The following USP49 variants were observed in gnomAD, a reference collection of about 807,000 sequenced individuals.
USP49 encodes ubiquitin specific peptidase 49.
USP49 carries 24 observed loss-of-function variants against 58.6 expected under a neutral mutation model. The observed-to-expected ratio is 0.41, with a 90% CI of 0.30 to 0.58. The LOEUF (loss-of-function observed/expected upper bound fraction) is 0.58, where lower values mean the gene tolerates loss of function less well. Among genes scored for constraint, USP49 ranks in the 20% least tolerant of loss-of-function variants. The pLI, the probability that USP49 is intolerant of heterozygous loss-of-function variation, is 0.30. For missense variants in USP49, 703 were observed against 866.1 expected (o/e 0.81, Z 2.36); for synonymous variants, 408 against 365.1 (o/e 1.12, Z -1.34).
chr6:41,857,039 A>G lies in USP49; in HGVS notation c.-29+14525T>C, dbSNP rs1011885150. On this transcript the variant is annotated intron_variant, in intron 3 of 7. Coordinates refer to ENST00000682992, the MANE Select transcript of USP49 (RefSeq NM_001286554.2). ...GATAAGGGGAGCCTATTGTTCATGG[A>G]GTTTCCAGCTACAAATCAAGGACCA... Among the ~76,000 whole-genome samples, 2 of 152,154 alleles carry G rather than the reference A, an allele frequency of 1.3e-5. 1 individual carries two copies. Among genetic ancestry groups the G allele is most frequent in the South Asian group, 4.1e-4 (2 of 4,830 alleles).
rs1200840662 is a variant in USP49 at position 41,803,189 on chromosome 6, A to G, written c.1561+617T>C. On this transcript the variant is annotated intron_variant, in intron 5 of 7. Coordinates refer to ENST00000682992, the MANE Select transcript of USP49 (RefSeq NM_001286554.2). This position sits in a 1 kb window ranked among gnomAD's most constrained non-coding sequence, Gnocchi z 4.1. The stretch of plus-strand genomic sequence containing the variant: ...GCCCCACAGCACTAAGAAGCTAAGT[A>G]CTAACATTCTCAGAGTCCCCATTTC... 7.9e-5 allele frequency among the ~76,000 whole-genome samples: 12 copies of G among 152,248 alleles called. No individual in the cohort carries two copies. Among genetic ancestry groups the G allele is most frequent in the African/African-American group, 2.9e-4 (12 of 41,466 alleles).
chr6:41,866,120 C>T (rs1378244621), intron 3 of USP49, among the ~76,000 whole-genome samples: 1 of 151,874 alleles, frequency 6.6e-6, no homozygotes, highest in East Asian at 1.9e-4. Flanking sequence ...CAGGGTTTCA[C>T]CGTGTTAGCC....
At chr6:41,818,992 C>T (rs1773407751) in intron 3 of USP49, among the ~76,000 whole-genome samples, 2 of 151,760 alleles carry the variant, frequency 1.3e-5, no homozygotes, top group South Asian at 4.2e-4. Flanking sequence ...TTAAGAGTCT[C>T]CCTAAAGGAA....
In USP49 at chr6:41,806,573, C is replaced by A; in HGVS notation, c.411G>T (p.Pro137=). 1 of 1,603,654 alleles carries A rather than the reference C, an allele frequency of 6.2e-7. No individual in the cohort carries two copies. Among genetic ancestry groups the A allele is most frequent in the South Asian group, 1.1e-5 (1 of 90,812 alleles). The change falls in exon 4 of 8, where the codon CCG becomes CCT. Residue 137 remains proline, a synonymous_variant. Coordinates refer to ENST00000682992, the MANE Select transcript of USP49 (RefSeq NM_001286554.2). This position sits in a 1 kb window ranked among gnomAD's most constrained non-coding sequence, Gnocchi z 5.9. The stretch of plus-strand genomic sequence containing the variant: ...GGTACCACAGAGCCGTGAGCATCTG[C>A]GGCTGTCCCTGAGGAGCGCGCTGCG... ...VLPQRAPQGQ[P]QMLTALWYRR...
chr6:41,824,599 G>A (rs915261384), intron 3 of USP49, among the ~76,000 whole-genome samples: 2 of 151,996 alleles, frequency 1.3e-5, no homozygotes, highest in Admixed American at 6.6e-5. Flanking sequence ...CCAGCTACTC[G>A]GGAGACTAAG....
intron 3 of USP49, among the ~76,000 whole-genome samples, chr6:41,851,540 G>A (rs891711512): frequency 3.3e-5 from 5 of 152,170 alleles, no homozygotes; most frequent in African/African-American, 1.2e-4. Context: ...ACTCAGTGGT[G>A]AAAGAATAAA....
At chr6:41,879,528 G>A (rs887813629) in intron 2 of USP49, among the ~76,000 whole-genome samples, 2 of 152,088 alleles carry the variant, frequency 1.3e-5, no homozygotes, top group Admixed American at 6.6e-5. Context: ...AGCAGACAAA[G>A]CTAAAAAAAG....
chr6:41,888,196 G>A (rs1259783457), intron 2 of USP49, among the ~76,000 whole-genome samples: 4 of 150,276 alleles, frequency 2.7e-5, no homozygotes, highest in African/African-American at 4.9e-5. Flanking sequence ...CTGGGATTAC[G>A]GGCATGCACC....
At chr6:41,854,316 C>CAAA (rs565189473) in intron 3 of USP49, among the ~76,000 whole-genome samples, 7 of 91,058 alleles carry the variant, frequency 7.7e-5, no homozygotes, top group Admixed American at 2.5e-4. Flanking sequence ...GACTCTGTCT[C>CAAA]AAAAAAAAAA....
chr6:41,877,141 GC>G (rs1774516549), intron 2 of USP49, among the ~76,000 whole-genome samples: 1 of 152,202 alleles, frequency 6.6e-6, no homozygotes, highest in African/African-American at 2.4e-5. Context: ...GTATTAGTTT[GC>G]CATGGGTTTT....
chr6:41,850,540 G>C (rs1774009070), intron 3 of USP49, among the ~76,000 whole-genome samples: 1 of 151,238 alleles, frequency 6.6e-6, no homozygotes. Context: ...AAATAAAAAG[G>C]ATTATAAGAG....
intron 3 of USP49, among the ~76,000 whole-genome samples, chr6:41,846,111 G>A (rs1030696062): frequency 1.3e-5 from 2 of 152,018 alleles, no homozygotes; most frequent in Non-Finnish European, 2.9e-5. Context: ...AGGTCAGGAG[G>A]TCGAGAGCAG....
chr6:41,806,664 T>C lies in USP49; in HGVS notation c.320A>G (p.Gln107Arg). Residue 107 changes from glutamine to arginine, a missense_variant, in exon 4 of 8, where the codon CAG becomes CGG. Transcript: ENST00000682992. The surrounding 1 kb of genome is among the most constrained non-coding windows in gnomAD (Gnocchi z 5.9). ...SSLLAVRGQK[Q>R]DTPVRRGRTL... ...CCGCCCACGTCTCACCGGCGTGTCC[T>C]GTTTCTGGCCCCGGACCGCCAGGAG... The C allele has an allele frequency of 3.7e-6, 6 of 1,614,098 alleles. No individual in the cohort carries two copies. Among genetic ancestry groups the C allele is most frequent in the East Asian group, 2.2e-5 (1 of 44,892 alleles).
rs3747750 is a variant in USP49 at position 41,792,634 on chromosome 6, C to G, written c.*3899G>C. ...CCTTGAAAAGCAGCCATTTGATGAACAGTCACAAATACAAAGAATTTGGAC... is the reference window on the plus strand; with the variant it reads ...CCTTGAAAAGCAGCCATTTGATGAAGAGTCACAAATACAAAGAATTTGGAC... On this transcript the variant is annotated 3_prime_UTR_variant, in exon 8 of 8. Coordinates refer to ENST00000682992, the MANE Select transcript of USP49 (RefSeq NM_001286554.2). 0.19 allele frequency: 28,689 copies of G among 152,240 alleles called. 3,309 individuals are homozygous for G. The highest frequency in any genetic ancestry group is 0.29 in the East Asian group (1,503 of 5,180). The allele number at this position is 152,240 out of a possible 1,614,324, so 9.4% of individuals were successfully genotyped here.
At chr6:41,807,032 A>G (rs767116202) in intron 3 of USP49, 21 bp from the exon 4 acceptor site, 4 of 1,336,264 alleles carry the variant, frequency 3.0e-6, no homozygotes, top group South Asian at 2.7e-5. Flanking sequence ...AGAGTCCCCA[A>G]AAAAGAAAAA....
At chr6:41,885,767 G>C (rs1399339513) in intron 2 of USP49, among the ~76,000 whole-genome samples, 1 of 152,118 alleles carries the variant, frequency 6.6e-6, no homozygotes, top group Non-Finnish European at 1.5e-5. Flanking sequence ...CTGCACTCCA[G>C]CCTGGGGGAC....
chr6:41,847,602 T>C (rs945139089), intron 3 of USP49, among the ~76,000 whole-genome samples: 1 of 152,000 alleles, frequency 6.6e-6, no homozygotes, highest in African/African-American at 2.4e-5. Context: ...TAGTCCCAGC[T>C]ACTCAGGAGG....
At chr6:41,811,960 A>T (rs1257126531) in intron 3 of USP49, among the ~76,000 whole-genome samples, 1 of 152,224 alleles carries the variant, frequency 6.6e-6, no homozygotes. Context: ...TTGAAAATGT[A>T]GTCCCTGAAC....
Position 41,850,203 on chromosome 6 carries a change from G to T in USP49, c.-29+21361C>A, listed in dbSNP as rs940920930. ...CATGCCCGTAATCTCAGCACTTTGG[G>T]AGGCCAAGGTGGGCGGATCACCTGA... On this transcript the variant is annotated intron_variant, in intron 3 of 7. Coordinates refer to ENST00000682992, the MANE Select transcript of USP49 (RefSeq NM_001286554.2). 3.3e-5 allele frequency among the ~76,000 whole-genome samples: 5 copies of T among 152,228 alleles called. No homozygotes were observed. The East Asian group carries it at 9.7e-4, about 29-fold the overall frequency.
Sources: allele counts gnomAD v4.1 joint callset (sites outside exome capture counted in the v4.1 genomes callset), GRCh38; gene constraint gnomAD v4.1.1; non-coding constraint Gnocchi (gnomAD v3.1); transcripts MANE v1.5; gene names NCBI Gene and HGNC (gene_info 2026-07-23, HGNC 2026-07-21).